The following PCSK5 variants were observed in gnomAD, a reference collection of about 807,000 sequenced individuals.
The protein encoded by PCSK5 is prohormone convertase 5.
A neutral mutation model predicts 233.2 loss-of-function variants in PCSK5; 129 were observed. The observed-to-expected ratio is 0.55, with a 90% confidence interval of 0.48 to 0.64. The LOEUF (loss-of-function observed/expected upper bound fraction) is 0.64. Ranked by LOEUF, PCSK5 falls within the 30% of genes least tolerant of loss-of-function variation. The pLI, the probability that PCSK5 is intolerant of heterozygous loss-of-function variation, is 0.00. For synonymous variants in PCSK5, 825 were observed against 879.2 expected, an observed-to-expected ratio of 0.94 and a Z score of 1.09; for missense variants, 2,076 against 2,430.1, an observed-to-expected ratio of 0.85 and a Z score of 3.06.
chr9:76,162,738 G>A (rs1822920004), intron 12 of PCSK5, among the ~76,000 whole-genome samples: 1 of 152,132 alleles, frequency 6.6e-6, no homozygotes, highest in African/African-American at 2.4e-5. Flanking sequence ...TGTTTCCCTA[G>A]CAGAGGTGGT....
At chr9:75,913,385 A>G (rs1175007404) in intron 1 of PCSK5, among the ~76,000 whole-genome samples, 3 of 152,228 alleles carry the variant, frequency 2.0e-5, no homozygotes, top group Non-Finnish European at 4.4e-5. Context: ...ATCTTTACAT[A>G]GCCACACATA....
rs1157878927 is a variant in PCSK5, at chr9:76,299,649, G to A, written c.3524-2488G>A. Among the ~76,000 whole-genome samples, 16 of 151,722 alleles carry A rather than the reference G, an allele frequency of 1.1e-4. No individual in the cohort carries two copies. The East Asian group carries it at 1.7e-3, about 16-fold the overall frequency. Reference sequence around the variant, plus strand: ...ATTGTGCCACAGCACTCCAGCCTGGGCAACAGAGAGACTCCATCTAAAACA... The same window carrying A: ...ATTGTGCCACAGCACTCCAGCCTGGACAACAGAGAGACTCCATCTAAAACA... On this transcript the variant is annotated intron_variant, in intron 27 of 37. Coordinates refer to ENST00000674117, the MANE Select transcript of PCSK5 (RefSeq NM_001372043.1).
In PCSK5 at chr9:76,292,382, C is replaced by A. The variant is rs887271102; in HGVS notation, c.3185+107C>A. 2.1e-5 allele frequency: 16 copies of A among 745,852 alleles called. No homozygotes were observed. In the African/African-American group the frequency reaches 2.6e-4, roughly 12 times the overall value. The allele number at this position is 745,852 out of a possible 1,614,324, so 46.2% of individuals were successfully genotyped here. A position where few individuals can be genotyped will look rare whatever the true frequency, so the allele number is the denominator to read the frequency against. On this transcript the variant is annotated intron_variant, in intron 25 of 37. Coordinates refer to ENST00000674117, the MANE Select transcript of PCSK5 (RefSeq NM_001372043.1). ...AGCAAAGTGGCCCTGCAGCCCGAAG[C>A]AACTCTGTCCTGTCAGGCTATTAAT...
intron 2 of PCSK5, among the ~76,000 whole-genome samples, chr9:75,959,134 A>T (rs1825223155): frequency 6.6e-6 from 1 of 152,246 alleles, no homozygotes; most frequent in African/African-American, 2.4e-5. Context: ...CATTGAGGAA[A>T]GAGCACACAA....
chr9:75,957,262 T>C (rs1395648790), intron 2 of PCSK5, among the ~76,000 whole-genome samples: 1 of 152,176 alleles, frequency 6.6e-6, no homozygotes, highest in Admixed American at 6.5e-5. Context: ...GGCCAAGTGA[T>C]CCATAAGATG....
At chr9:76,354,693 CTT>C (rs1830252852) in intron 37 of PCSK5, among the ~76,000 whole-genome samples, 2 of 152,288 alleles carry the variant, frequency 1.3e-5, no homozygotes, top group Middle Eastern at 3.4e-3. Context: ...GAGAGGATCT[CTT>C]GAGCCCAGGA....
intron 1 of PCSK5, among the ~76,000 whole-genome samples, chr9:75,918,203 G>T (rs1823089420): frequency 6.6e-6 from 1 of 152,176 alleles, no homozygotes; most frequent in African/African-American, 2.4e-5. Context: ...AATATAGATT[G>T]GTTGGGTATA....
chr9:76,072,745 T>C (rs1414309266), intron 7 of PCSK5, among the ~76,000 whole-genome samples: 5 of 152,188 alleles, frequency 3.3e-5, no homozygotes, highest in Admixed American at 3.3e-4. Flanking sequence ...ACGCTTTCCT[T>C]GTTCCTCCTG....
chr9:76,075,623 G>A (rs1157366701), intron 7 of PCSK5, among the ~76,000 whole-genome samples: 1 of 151,996 alleles, frequency 6.6e-6, no homozygotes, highest in African/African-American at 2.4e-5. Flanking sequence ...GAAAATAATT[G>A]AATAAAAACT....
intron 8 of PCSK5, 76 bp downstream of exon 8, chr9:76,096,178 CATATAT>C (rs747144896): frequency 3.7e-5 from 26 of 700,552 alleles, no homozygotes; most frequent in African/African-American, 2.3e-4. Flanking sequence ...GAACCATAAA[CATATAT>C]ATATATACAC....
chr9:76,243,658 G>T lies in PCSK5; in HGVS notation c.3142+2974G>T, dbSNP rs534461553. 2.0e-5 allele frequency among the ~76,000 whole-genome samples: 3 copies of T among 152,250 alleles called. No individual in the cohort carries two copies. The South Asian group carries it at 6.2e-4, about 32-fold the overall frequency. On this transcript the variant is annotated intron_variant, in intron 24 of 37. Coordinates refer to ENST00000674117, the MANE Select transcript of PCSK5 (RefSeq NM_001372043.1). ...AGAATACCTTTTAGAGGTGACTAGT[G>T]TAATATTTGCTATGTATACACCTTT... is the stretch of plus-strand genomic sequence containing the variant.
chr9:76,199,801 T>C (rs1824850083), intron 20 of PCSK5, among the ~76,000 whole-genome samples: 1 of 152,108 alleles, frequency 6.6e-6, no homozygotes, highest in African/African-American at 2.4e-5. Context: ...CCTGATCTCT[T>C]CCCTCAAGAT....
intron 1 of PCSK5, among the ~76,000 whole-genome samples, chr9:75,903,597 ATT>A (rs1826143078): frequency 2.1e-5 from 3 of 140,618 alleles, no homozygotes; most frequent in South Asian, 4.3e-4. Flanking sequence ...TAAAATATAT[ATT>A]ATATATATAT....
At chr9:76,086,428 G>T (rs543353747) in intron 7 of PCSK5, among the ~76,000 whole-genome samples, 1 of 152,160 alleles carries the variant, frequency 6.6e-6, no homozygotes, top group Non-Finnish European at 1.5e-5. Flanking sequence ...CATGGAGGAT[G>T]TAGGAAGGAG....
chr9:76,065,394 G>T (rs1830250105), intron 5 of PCSK5, among the ~76,000 whole-genome samples: 1 of 152,076 alleles, frequency 6.6e-6, no homozygotes, highest in African/African-American at 2.4e-5. Flanking sequence ...TGGCTGATTT[G>T]CATTTCCCAG....
intron 1 of PCSK5, among the ~76,000 whole-genome samples, chr9:75,922,027 C>T (rs912170018): frequency 3.9e-5 from 6 of 152,132 alleles, no homozygotes; most frequent in African/African-American, 1.4e-4. Flanking sequence ...CAAGTCAGGA[C>T]ATTATCCTCA....
intron 5 of PCSK5, 59 bp downstream of exon 5, chr9:76,027,096 C>A: frequency 1.9e-6 from 2 of 1,035,528 alleles, no homozygotes; most frequent in South Asian, 1.4e-5. Flanking sequence ...GTTTTCTGCT[C>A]ATACTGAGGG....
chr9:76,272,431 G>A (rs1035550360), intron 24 of PCSK5, among the ~76,000 whole-genome samples: 1 of 151,924 alleles, frequency 6.6e-6, no homozygotes, highest in South Asian at 2.1e-4. Context: ...TAAACCTGAC[G>A]GTGACAACTG....
intron 35 of PCSK5, among the ~76,000 whole-genome samples, chr9:76,344,699 G>A (rs1029415306): frequency 6.6e-5 from 10 of 152,114 alleles, no homozygotes; most frequent in African/African-American, 2.4e-4. Context: ...TACTGGATGT[G>A]TGGGACCTTT....
Sources: gnomAD v4.1 joint callset for allele counts (sites outside exome capture counted in the v4.1 genomes callset) on GRCh38, gnomAD v4.1.1 for gene constraint, MANE v1.5 for transcripts, NCBI Gene and HGNC (gene_info 2026-07-23, HGNC 2026-07-21) for gene names.